The following ZFHX3 variants were observed in gnomAD, a reference collection of about 807,000 sequenced individuals.
The protein encoded by ZFHX3 is zinc finger homeobox protein 3.
A neutral mutation model predicts 279.1 loss-of-function variants in ZFHX3; 42 were observed. The ratio of observed to expected loss-of-function variants is 0.15; its 90% CI spans 0.12 to 0.19. The LOEUF is 0.19. Among genes scored for constraint, ZFHX3 ranks in the 10% least tolerant of loss-of-function variants. ZFHX3 has a pLI of 1.00. For synonymous variants in ZFHX3, 2,293 were observed against 1,957.8 expected, an observed-to-expected ratio of 1.17 and a Z score of -4.52; for missense variants, 4,981 against 4,754.0, an observed-to-expected ratio of 1.05 and a Z score of -1.40.
chr16:73,273,624 T>G (rs533977173), intron 4 of ZFHX3, among the ~76,000 whole-genome samples: 3 of 152,194 alleles, frequency 2.0e-5, no homozygotes, highest in African/African-American at 7.2e-5. Flanking sequence ...TGTTTCCGCA[T>G]CAGTTTTTTA....
At chr16:73,346,386 C>T (rs1401320931) in intron 3 of ZFHX3, among the ~76,000 whole-genome samples, 2 of 152,184 alleles carry the variant, frequency 1.3e-5, no homozygotes, top group East Asian at 1.9e-4. Context: ...GCAGCATCTC[C>T]CCACTCAGCC....
At chr16:73,171,798 T>C (rs1967532001) in intron 5 of ZFHX3, among the ~76,000 whole-genome samples, 1 of 152,164 alleles carries the variant, frequency 6.6e-6, no homozygotes, top group Non-Finnish European at 1.5e-5. Flanking sequence ...TTTTGTAACA[T>C]ACACGTACCC....
chr16:73,314,451 C>A (rs1026026566), intron 4 of ZFHX3, among the ~76,000 whole-genome samples: 4 of 152,114 alleles, frequency 2.6e-5, no homozygotes, highest in Non-Finnish European at 5.9e-5. Context: ...AATGAGAGAC[C>A]CAGAGACATT....
intron 8 of ZFHX3, among the ~76,000 whole-genome samples, chr16:73,078,632 C>T (rs1250387011): frequency 1.3e-5 from 2 of 151,946 alleles, no homozygotes; most frequent in East Asian, 1.9e-4. Context: ...TTATAAACCG[C>T]GCCTGGCCAC....
chr16:72,908,754 C>A (rs187410642), intron 3 of ZFHX3, among the ~76,000 whole-genome samples: 13 of 152,138 alleles, frequency 8.5e-5, no homozygotes, highest in Admixed American at 3.3e-4. Context: ...AAAATCAGCA[C>A]GGCGATACGA....
chr16:73,192,788 G>C (rs1301604595), intron 5 of ZFHX3, among the ~76,000 whole-genome samples: 2 of 152,208 alleles, frequency 1.3e-5, no homozygotes, highest in Admixed American at 6.5e-5. Flanking sequence ...AAGGTGGAAG[G>C]CATTGCTCAT....
chr16:73,057,176 GA>G (rs367686331), intron 1 of ZFHX3, among the ~76,000 whole-genome samples: 3 of 152,178 alleles, frequency 2.0e-5, no homozygotes, highest in African/African-American at 4.8e-5. Context: ...CAACAAGGGG[GA>G]AAAGTTAAGA....
chr16:73,716,775 G>A (rs1207952213), intron 1 of ZFHX3, among the ~76,000 whole-genome samples: 1 of 151,992 alleles, frequency 6.6e-6, no homozygotes, highest in Non-Finnish European at 1.5e-5. Context: ...CCTTTGGGAG[G>A]AGCAATTTAC....
chr16:73,243,782 G>A (rs1168765830), intron 5 of ZFHX3, among the ~76,000 whole-genome samples: 3 of 151,954 alleles, frequency 2.0e-5, no homozygotes, highest in African/African-American at 7.3e-5. Context: ...TCTGTTCAGT[G>A]GCTTAATTTG....
intron 1 of ZFHX3, among the ~76,000 whole-genome samples, chr16:73,890,777 C>A (rs1050021856): frequency 1.3e-4 from 20 of 152,128 alleles, no homozygotes; most frequent in African/African-American, 4.3e-4. Context: ...CACTGATGGA[C>A]CAAATAATCA....
chr16:73,228,432 G>T (rs779284138), intron 5 of ZFHX3, among the ~76,000 whole-genome samples: 1 of 152,192 alleles, frequency 6.6e-6, no homozygotes, highest in Admixed American at 6.5e-5. Context: ...GGAGGCCCAG[G>T]TGGGCAGATC....
intron 1 of ZFHX3, among the ~76,000 whole-genome samples, chr16:73,031,488 C>T (rs1343429326): frequency 2.6e-5 from 4 of 152,186 alleles, no homozygotes; most frequent in African/African-American, 9.7e-5. Context: ...GGAACCACAA[C>T]CTGCTTTTGA....
At chr16:73,686,859 C>T (rs1397180597) in intron 1 of ZFHX3, among the ~76,000 whole-genome samples, 2 of 151,362 alleles carry the variant, frequency 1.3e-5, no homozygotes, top group South Asian at 2.1e-4. Flanking sequence ...ATAACACAGC[C>T]AAGTTGTTTG....
chr16:73,213,778 T>C (rs1251166862), intron 5 of ZFHX3, among the ~76,000 whole-genome samples: 5 of 152,174 alleles, frequency 3.3e-5, no homozygotes, highest in Non-Finnish European at 5.9e-5. Context: ...CTTTCTCCTT[T>C]ATGGGCCCGG....
At chr16:73,439,109 T>G (rs1183562836) in intron 3 of ZFHX3, among the ~76,000 whole-genome samples, 2 of 152,176 alleles carry the variant, frequency 1.3e-5, no homozygotes, top group African/African-American at 4.8e-5. Context: ...TAATAGAACC[T>G]AGCTTTCTCT....
chr16:73,845,837 CAG>C (rs1383256291), intron 1 of ZFHX3, among the ~76,000 whole-genome samples: 2 of 151,936 alleles, frequency 1.3e-5, no homozygotes, highest in East Asian at 3.9e-4. Context: ...TTTTTAGAGA[CAG>C]AGTCTCACTC....
chr16:72,903,367 G>A (rs899786637), intron 3 of ZFHX3, among the ~76,000 whole-genome samples: 1 of 152,190 alleles, frequency 6.6e-6, no homozygotes, highest in Non-Finnish European at 1.5e-5. Flanking sequence ...GATGGGGCCA[G>A]GAATGTGGCT....
chr16:72,902,868 C>G (rs1003007233), intron 3 of ZFHX3, among the ~76,000 whole-genome samples: 3 of 152,142 alleles, frequency 2.0e-5, no homozygotes, highest in African/African-American at 7.2e-5. Flanking sequence ...GTCTGACAGT[C>G]GCGCAGGCCA....
intron 1 of ZFHX3, among the ~76,000 whole-genome samples, chr16:73,856,058 A>G (rs1371047470): frequency 6.6e-6 from 1 of 152,204 alleles, no homozygotes; most frequent in Non-Finnish European, 1.5e-5. Context: ...AGTACCATGG[A>G]AAAATGTTTC....
Sources: gnomAD v4.1 joint callset for allele counts (sites outside exome capture counted in the v4.1 genomes callset) on GRCh38, gnomAD v4.1.1 for gene constraint, MANE v1.5 for transcripts, NCBI Gene and HGNC (gene_info 2026-07-23, HGNC 2026-07-21) for gene names.